EMC1: variants seen among roughly 807,000 people sequenced by gnomAD.
EMC1 encodes the protein ER membrane protein complex subunit 1, also known as KIAA0090.
In EMC1, 103 loss-of-function variants were observed where a neutral mutation model predicts 128.8. The ratio of observed to expected loss-of-function variants is 0.80; its 90% CI spans 0.68 to 0.94. EMC1 has a LOEUF of 0.94. Ranked by LOEUF, EMC1 falls within the 40% of genes least tolerant of loss-of-function variation. EMC1 has a pLI of 0.00. For missense variants in EMC1, 1,083 were observed against 1,250.6 expected (o/e 0.87, Z 2.02); for synonymous variants, 442 against 490.4 (o/e 0.90, Z 1.30).
At chr1:19,244,483 C>T (rs1333444771) in intron 2 of EMC1, 1 of 254,050 alleles carries the variant, frequency 3.9e-6, no homozygotes, top group Non-Finnish European at 7.7e-6. Flanking sequence ...ATGATCACAG[C>T]TCACTGCAGC....
chr1:19,219,345 C>T lies in EMC1; in HGVS notation c.2940G>A (p.Lys980=), dbSNP rs2093413539. 6.2e-7 allele frequency: 1 copy of T among 1,614,100 alleles called. No individual in the cohort carries two copies. The highest frequency in any genetic ancestry group is 8.5e-7 in the Non-Finnish European group (1 of 1,180,032). ...TCAGGAGCTTCACCTGTGCCAGTCTCTTAGTGATCATGGTGGCAAAAACCA... is the reference window on the plus strand; with the variant it reads ...TCAGGAGCTTCACCTGTGCCAGTCTTTTAGTGATCATGGTGGCAAAAACCA... The part of the protein sequence containing the change: ...FGLVFATMIT[K]RLAQVKLLNR... Residue 980 remains lysine (K), a synonymous_variant, in exon 23 of 23, where the codon AAG becomes AAA. Coordinates refer to ENST00000477853, the MANE Select transcript of EMC1 (RefSeq NM_015047.3).
chr1:19,236,091 CG>C (rs2093561331), intron 12 of EMC1, among the ~76,000 whole-genome samples: 1 of 151,910 alleles, frequency 6.6e-6, no homozygotes, highest in South Asian at 2.1e-4. Context: ...AAGCAGGTAA[CG>C]GGGCCGGGCA....
In EMC1 at chr1:19,218,628, G is replaced by C. The variant is rs1289367437; in HGVS notation, c.*675C>G. On this transcript the variant is annotated 3_prime_UTR_variant, in exon 23 of 23. Transcript: ENST00000477853. ...CAAACAAGACGCTAGTATGCACTTG[G>C]CTTCTGATAAATTGAAACAAAGATT... The C allele has an allele frequency of 6.6e-6, 1 of 151,302 alleles. No homozygotes were observed. The highest frequency in any genetic ancestry group is 6.6e-5 in the Admixed American group (1 of 15,216). The allele number at this position is 151,302 out of a possible 1,614,324, so 9.4% of individuals were successfully genotyped here.
intron 2 of EMC1, 174 bp downstream of exon 2, chr1:19,244,732 A>T (rs2093623891): frequency 3.1e-6 from 2 of 650,214 alleles, no homozygotes; most frequent in Non-Finnish European, 5.2e-6. Flanking sequence ...CAGTTATAGG[A>T]ACATACAAAT....
At chr1:19,241,178 T>C in intron 5 of EMC1, 36 bp from the exon 6 acceptor site, 1 of 1,613,208 alleles carries the variant, frequency 6.2e-7, no homozygotes. Flanking sequence ...GCGTCAGCTT[T>C]CAACCCAGGA....
chr1:19,237,093 T>G (rs375734436), intron 12 of EMC1, 49 bp downstream of exon 12: 3 of 1,340,682 alleles, frequency 2.2e-6, no homozygotes, highest in South Asian at 2.3e-5. Flanking sequence ...TTGGAACACA[T>G]TGGAAGGCCT....
intron 18 of EMC1, among the ~76,000 whole-genome samples, chr1:19,224,083 G>C (rs1466774684): frequency 6.6e-6 from 1 of 152,176 alleles, no homozygotes; most frequent in East Asian, 1.9e-4. Context: ...CTGGCTTCCA[G>C]AACATCCCTG....
chr1:19,219,800 C>G, intron 21 of EMC1, 102 bp from the exon 22 acceptor site: 1 of 1,329,920 alleles, frequency 7.5e-7, no homozygotes, highest in South Asian at 1.3e-5. Context: ...ACATATCTAG[C>G]CTCAAATCTC....
Position 19,239,211 on chromosome 1 carries a change from C to T in EMC1, c.1026+20G>A. The T allele has an allele frequency of 4.4e-6, 7 of 1,607,500 alleles. No individual in the cohort carries two copies. The highest frequency in any genetic ancestry group is 6.0e-6 in the Non-Finnish European group (7 of 1,174,022). ...CAGGAAGGAAAATCCCAAGTGCTGA[C>T]TGTTGTTCTCAATACTCACCACTTC... On this transcript the variant is annotated intron_variant, in intron 9 of 22. Coordinates refer to ENST00000477853, the MANE Select transcript of EMC1 (RefSeq NM_015047.3).
rs1558106718 is a variant in EMC1, at chr1:19,238,109, T to G, written c.1120A>C (p.Thr374Pro). 6.2e-7 allele frequency: 1 copy of G among 1,613,962 alleles called. No individual in the cohort carries two copies. The highest frequency in any genetic ancestry group is 8.5e-7 in the Non-Finnish European group (1 of 1,180,026). The change falls in exon 11 of 23, where the codon ACC (threonine) becomes CCC (proline). Residue 374 changes from threonine to proline, a missense_variant. By Grantham distance (38) the Thr-to-Pro change is conservative (BLOSUM62 -1). This residue lies in a region of EMC1 where 544 missense variants were observed against 572.4 expected (regional missense o/e 0.95). Transcript: ENST00000477853. ...GTCTCCACGAGGTATAGGTTAATGG[T>G]GTAGGTCTGATTGAAGCAAGCCAGA... ...DSLACFNQTY[T>P]INLYLVETGR...
intron 1 of EMC1, among the ~76,000 whole-genome samples, chr1:19,246,452 A>T (rs2093632520): frequency 6.6e-6 from 1 of 152,168 alleles, no homozygotes; most frequent in Non-Finnish European, 1.5e-5. Flanking sequence ...CCTCCTTATT[A>T]CAGAAAATGA....
In EMC1 at chr1:19,217,139, G is replaced by A. The variant is rs929537727; in HGVS notation, c.*2164C>T. ...AATTGAGAGAGGAAACATAGTCTCA[G>A]CAGCCATTAGTGGAGACTGAGTGTA... On this transcript the variant is annotated 3_prime_UTR_variant, in exon 23 of 23. Coordinates refer to ENST00000477853, the MANE Select transcript of EMC1 (RefSeq NM_015047.3). The A allele has an allele frequency of 6.6e-6, 1 of 152,232 alleles. No homozygotes were observed. The highest frequency in any genetic ancestry group is 1.5e-5 in the Non-Finnish European group (1 of 68,050). The allele number at this position is 152,232 out of a possible 1,614,324, so 9.4% of individuals were successfully genotyped here.
At chr1:19,240,048 C>G in intron 7 of EMC1, 63 bp from the exon 8 acceptor site, 1 of 1,498,252 alleles carries the variant, frequency 6.7e-7, no homozygotes, top group Non-Finnish European at 9.0e-7. Context: ...CCATCCCAGG[C>G]TCACAACCTC....
intron 1 of EMC1, among the ~76,000 whole-genome samples, chr1:19,247,014 A>G (rs2093634731): frequency 1.3e-5 from 2 of 152,186 alleles, no homozygotes; most frequent in Non-Finnish European, 2.9e-5. Flanking sequence ...AGGCCATGTA[A>G]GGATACAGCA....
chr1:19,238,500 G>C (rs2093583044), intron 10 of EMC1, among the ~76,000 whole-genome samples: 1 of 152,156 alleles, frequency 6.6e-6, no homozygotes, highest in South Asian at 2.1e-4. Flanking sequence ...TCATGCCTCT[G>C]CTACAGGGTA....
chr1:19,227,458 A>G lies in EMC1; in HGVS notation c.2065-8T>C, dbSNP rs2093483932. On this transcript the variant is annotated splice_polypyrimidine_tract_variant and splice_region_variant and intron_variant, in intron 17 of 22. Coordinates refer to ENST00000477853, the MANE Select transcript of EMC1 (RefSeq NM_015047.3). ...CAGCTCAGTGGTGAGATCCTAGGGC[A>G]GGGGCAAAAAAGCCTGTAATCAGGA... 1.2e-6 allele frequency: 2 copies of G among 1,613,988 alleles called. No homozygotes were observed. The highest frequency in any genetic ancestry group is 1.3e-5 in the African/African-American group (1 of 74,928).
At chr1:19,222,130 T>C (rs1490975563) in intron 20 of EMC1, among the ~76,000 whole-genome samples, 1 of 151,462 alleles carries the variant, frequency 6.6e-6, no homozygotes, top group Non-Finnish European at 1.5e-5. Context: ...TAGGTGAAAA[T>C]GCCAAATAGA....
rs75908290 is a variant in EMC1, at chr1:19,239,093, G to T, written c.1026+138C>A. 19,633 of 790,852 alleles carry T rather than the reference G, an allele frequency of 0.025. 347 individuals carry two copies. The highest frequency in any genetic ancestry group is 0.054 in the South Asian group (3,364 of 62,570). 49.0% of individuals were successfully genotyped at this position (790,852 alleles called of 1,614,324 possible). A position where few individuals can be genotyped will look rare whatever the true frequency, so the allele number is the denominator to read the frequency against. On this transcript the variant is annotated intron_variant, in intron 9 of 22. Transcript: ENST00000477853. ...GCAGAAAGCTCTATAGTTGAGGCAA[G>T]ACCTCACTTCTCAACAGCCTCCTGC...
chr1:19,250,657 A>G (rs1021409775), intron 1 of EMC1, among the ~76,000 whole-genome samples: 8 of 152,222 alleles, frequency 5.3e-5, no homozygotes, highest in African/African-American at 1.2e-4. Flanking sequence ...ACTGCATTCA[A>G]TGAGCCAGGC....
Sources: allele counts gnomAD v4.1 joint callset (sites outside exome capture counted in the v4.1 genomes callset), GRCh38; gene constraint gnomAD v4.1.1; regional missense constraint gnomAD v4.1.1; transcripts MANE v1.5; gene names NCBI Gene and HGNC (gene_info 2026-07-23, HGNC 2026-07-21).